The following RIT2 variants were observed in gnomAD, a reference collection of about 807,000 sequenced individuals.
RIT2 encodes GTP-binding protein Rit2.
RIT2 carries 24 observed loss-of-function variants against 23.7 expected under a neutral mutation model. The observed-to-expected ratio is 1.01, with a 90% CI of 0.73 to 1.43. RIT2 has a LOEUF of 1.43. Among genes scored for constraint, RIT2 ranks in the 40% most tolerant of loss-of-function variants. The pLI is 0.00. For missense variants in RIT2, 236 were observed against 266.9 expected, an observed-to-expected ratio of 0.88 and a Z score of 0.81; for synonymous variants, 107 against 91.1, an observed-to-expected ratio of 1.17 and a Z score of -0.99.
At chr18:43,089,559 A>G (rs1018326409) in intron 1 of RIT2, among the ~76,000 whole-genome samples, 4 of 146,320 alleles carry the variant, frequency 2.7e-5, no homozygotes, top group African/African-American at 1.0e-4. Context: ...TAAGAGCTCA[A>G]ATAGCCAAGA....
At chr18:43,018,979 A>C (rs955883496) in intron 2 of RIT2, among the ~76,000 whole-genome samples, 2 of 152,046 alleles carry the variant, frequency 1.3e-5, no homozygotes, top group African/African-American at 4.8e-5. Context: ...AAAATCAAAC[A>C]ACAAATAATA....
At chr18:42,903,208 GAT>G (rs1313769344) in intron 4 of RIT2, among the ~76,000 whole-genome samples, 5 of 151,872 alleles carry the variant, frequency 3.3e-5, no homozygotes, top group Non-Finnish European at 7.4e-5. Context: ...TTCAGAATCT[GAT>G]ATAATAAATA....
chr18:42,851,487 G>C (rs1480096391), intron 4 of RIT2, among the ~76,000 whole-genome samples: 1 of 152,166 alleles, frequency 6.6e-6, no homozygotes, highest in Admixed American at 6.5e-5. Context: ...ATTTCTAGAA[G>C]CAGTCATAGG....
intron 4 of RIT2, among the ~76,000 whole-genome samples, chr18:42,856,703 C>A (rs1157883695): frequency 6.6e-6 from 1 of 152,000 alleles, no homozygotes; most frequent in African/African-American, 2.4e-5. Flanking sequence ...AATTTTTCTT[C>A]TGAATATGAA....
intron 4 of RIT2, among the ~76,000 whole-genome samples, chr18:42,897,951 C>G (rs1274446289): frequency 6.6e-6 from 1 of 152,132 alleles, no homozygotes; most frequent in African/African-American, 2.4e-5. Flanking sequence ...TGGTTAACAT[C>G]TCTGGCAGCA....
chr18:43,046,447 A>T lies in RIT2; in HGVS notation c.104-12580T>A, dbSNP rs535060362. On this transcript the variant is annotated intron_variant, in intron 1 of 4. Coordinates refer to ENST00000326695, the MANE Select transcript of RIT2 (RefSeq NM_002930.4). Reference sequence around the variant, plus strand: ...CTGGACTGGATTTCATCTTGCCTCCACAGTAAACATGCTTCGGCTCCACAC... The same window carrying T: ...CTGGACTGGATTTCATCTTGCCTCCTCAGTAAACATGCTTCGGCTCCACAC... Among the ~76,000 whole-genome samples, 194 of 152,310 alleles carry T rather than the reference A, an allele frequency of 1.3e-3. 2 individuals are homozygous for T. Among genetic ancestry groups the T allele is most frequent in the Middle Eastern group, 6.8e-3 (2 of 294 alleles).
intron 1 of RIT2, among the ~76,000 whole-genome samples, chr18:43,072,337 T>C (rs1292695954): frequency 3.3e-5 from 5 of 152,136 alleles, no homozygotes; most frequent in African/African-American, 7.2e-5. Flanking sequence ...AATTCCAGAA[T>C]TGGGATCTCT....
At chr18:42,897,917 A>G (rs2144102720) in intron 4 of RIT2, among the ~76,000 whole-genome samples, 1 of 152,314 alleles carries the variant, frequency 6.6e-6, no homozygotes, top group Non-Finnish European at 1.5e-5. Flanking sequence ...TTTGTGTTAT[A>G]CCACAAGAAA....
chr18:43,088,698 T>C (rs749214069), intron 1 of RIT2, among the ~76,000 whole-genome samples: 41 of 152,266 alleles, frequency 2.7e-4, no homozygotes, highest in Admixed American at 7.2e-4. Flanking sequence ...TCTGACATAT[T>C]TATCATCATT....
chr18:42,880,554 A>G, intron 4 of RIT2, among the ~76,000 whole-genome samples: 1 of 151,920 alleles, frequency 6.6e-6, no homozygotes, highest in East Asian at 1.9e-4. Flanking sequence ...TCTTTTACGT[A>G]TGTAATTTTT....
chr18:42,852,903 G>T (rs1230096150), intron 4 of RIT2, among the ~76,000 whole-genome samples: 1 of 150,016 alleles, frequency 6.7e-6, no homozygotes, highest in Non-Finnish European at 1.5e-5. Context: ...GTGCAATCTT[G>T]GCTCACTGCA....
chr18:42,745,908 T>C (rs934760828), intron 4 of RIT2, among the ~76,000 whole-genome samples: 1 of 152,172 alleles, frequency 6.6e-6, no homozygotes, highest in Non-Finnish European at 1.5e-5. Context: ...ATTTATTGGC[T>C]TTCATTAGGT....
At chr18:42,966,403 T>C (rs926221995) in intron 3 of RIT2, among the ~76,000 whole-genome samples, 4 of 152,198 alleles carry the variant, frequency 2.6e-5, no homozygotes, top group Non-Finnish European at 2.9e-5. Flanking sequence ...ATCTTGGTAG[T>C]CATTTTATGT....
intron 2 of RIT2, among the ~76,000 whole-genome samples, chr18:42,991,752 C>A (rs1179802675): frequency 1.3e-5 from 2 of 152,074 alleles, no homozygotes; most frequent in Non-Finnish European, 2.9e-5. Flanking sequence ...TACTGAGCAC[C>A]TTGTGACCCC....
intron 2 of RIT2, among the ~76,000 whole-genome samples, chr18:42,991,945 C>A (rs1292768950): frequency 6.6e-6 from 1 of 152,296 alleles, no homozygotes; most frequent in East Asian, 1.9e-4. Context: ...TCTCTTCACA[C>A]AGATGCACAT....
chr18:42,975,967 G>A (rs1287732793), intron 2 of RIT2, among the ~76,000 whole-genome samples: 4 of 152,000 alleles, frequency 2.6e-5, no homozygotes, highest in Admixed American at 6.6e-5. Context: ...GTTTTAGAAT[G>A]CTGTGTTTTC....
intron 3 of RIT2, among the ~76,000 whole-genome samples, chr18:42,962,916 T>C (rs1189315699): frequency 6.6e-6 from 1 of 152,130 alleles, no homozygotes; most frequent in East Asian, 1.9e-4. Context: ...TCAGAAGACA[T>C]TTTTTACCTA....
At chr18:42,870,518 C>G (rs1429170982) in intron 4 of RIT2, among the ~76,000 whole-genome samples, 1 of 152,092 alleles carries the variant, frequency 6.6e-6, no homozygotes, top group African/African-American at 2.4e-5. Flanking sequence ...CTGGCCTGTA[C>G]CTTCCATAAT....
rs149359989 is a variant in RIT2, at chr18:43,062,087, G to A, written c.104-28220C>T. ...TGCTGAGCTACGGGAGTGAAGAAGCGAAGCTCCTGGCACTACTTTCCCTGG... is the reference window on the plus strand; with the variant it reads ...TGCTGAGCTACGGGAGTGAAGAAGCAAAGCTCCTGGCACTACTTTCCCTGG... On this transcript the variant is annotated intron_variant, in intron 1 of 4. Transcript: ENST00000326695. Among the ~76,000 whole-genome samples the A allele has an allele frequency of 8.6e-3, 1,308 of 152,090 alleles. 15 individuals are homozygous for A. The highest frequency in any genetic ancestry group is 0.011 in the Non-Finnish European group (741 of 67,994).
Sources: gnomAD v4.1 joint callset for allele counts (sites outside exome capture counted in the v4.1 genomes callset) on GRCh38, gnomAD v4.1.1 for gene constraint, MANE v1.5 for transcripts, NCBI Gene and HGNC (gene_info 2026-07-23, HGNC 2026-07-21) for gene names.